The following HADHB variants were observed in gnomAD, a reference collection of about 807,000 sequenced individuals.
The protein encoded by HADHB is hydroxyacyl-CoA dehydrogenase trifunctional multienzyme complex subunit beta, also known as trifunctional enzyme subunit beta, mitochondrial.
Under a neutral mutation model 61.9 loss-of-function variants are expected in HADHB, and 50 were observed. The ratio of observed to expected loss-of-function variants is 0.81; its 90% CI spans 0.64 to 1.02. HADHB has a LOEUF of 1.02. Ranked by LOEUF, HADHB falls within the 50% of genes least tolerant of loss-of-function variation. The pLI is 0.00. For synonymous variants in HADHB, 191 were observed against 201.6 expected, an observed-to-expected ratio of 0.95 and a Z score of 0.45; for missense variants, 504 against 586.5, an observed-to-expected ratio of 0.86 and a Z score of 1.45.
intron 1 of HADHB, among the ~76,000 whole-genome samples, chr2:26,246,492 A>G (rs1398690007): frequency 6.6e-6 from 1 of 151,728 alleles, no homozygotes; most frequent in Non-Finnish European, 1.5e-5. Flanking sequence ...AGCGCACACC[A>G]CCACGCCGGG....
At chr2:26,284,588 G>A (rs1248158381) in intron 13 of HADHB, among the ~76,000 whole-genome samples, 2 of 151,298 alleles carry the variant, frequency 1.3e-5, no homozygotes, top group East Asian at 1.9e-4. Flanking sequence ...TCAGCCTCCC[G>A]AGTAGCTGGG....
At chr2:26,259,488 G>A (rs147555894) in intron 3 of HADHB, among the ~76,000 whole-genome samples, 90 of 152,136 alleles carry the variant, frequency 5.9e-4, no homozygotes, top group African/African-American at 2.1e-3. Context: ...TTTAAGATAC[G>A]TTCCCCTACA....
chr2:26,285,303 T>G, intron 14 of HADHB, 104 bp from the exon 15 acceptor site: 1 of 941,494 alleles, frequency 1.1e-6, no homozygotes, highest in East Asian at 2.4e-5. Context: ...ATGTCTGACG[T>G]TACGTATTTT....
intron 4 of HADHB, among the ~76,000 whole-genome samples, chr2:26,266,618 G>A (rs1341201466): frequency 6.6e-6 from 1 of 151,820 alleles, no homozygotes. Flanking sequence ...AGTGGCTCAC[G>A]TCTGTAATCC....
intron 10 of HADHB, among the ~76,000 whole-genome samples, chr2:26,281,811 C>T (rs569567396): frequency 4.3e-4 from 66 of 152,088 alleles, no homozygotes; most frequent in Non-Finnish European, 7.6e-4. Context: ...TCAGGGTTGC[C>T]GAGTTATAAA....
At chr2:26,250,881 A>G (rs1302399931) in intron 1 of HADHB, among the ~76,000 whole-genome samples, 1 of 151,368 alleles carries the variant, frequency 6.6e-6, no homozygotes, top group South Asian at 2.1e-4. Context: ...TTCCTCTAGT[A>G]CTTTTATAGT....
chr2:26,281,453 A>C (rs1405190355), intron 10 of HADHB, among the ~76,000 whole-genome samples: 1 of 152,220 alleles, frequency 6.6e-6, no homozygotes, highest in Admixed American at 6.5e-5. Context: ...CCACCCTGTT[A>C]AGCCCAGGTG....
intron 15 of HADHB, among the ~76,000 whole-genome samples, chr2:26,287,043 A>C (rs1208695601): frequency 6.6e-6 from 1 of 151,626 alleles, no homozygotes; most frequent in Non-Finnish European, 1.5e-5. Flanking sequence ...GTCTCTACTA[A>C]AATTATAAAA....
At chr2:26,287,432 A>G (rs1171067555) in intron 15 of HADHB, among the ~76,000 whole-genome samples, 1 of 152,152 alleles carries the variant, frequency 6.6e-6, no homozygotes. Context: ...CAGGGAGATA[A>G]CCTGTACACA....
chr2:26,249,481 A>G (rs758358934), intron 1 of HADHB, among the ~76,000 whole-genome samples: 8 of 152,172 alleles, frequency 5.3e-5, no homozygotes, highest in Admixed American at 1.3e-4. Context: ...GCTGTACTCC[A>G]GCCTGGGCGA....
chr2:26,256,154 A>T (rs1306144563), intron 3 of HADHB, among the ~76,000 whole-genome samples: 2 of 152,240 alleles, frequency 1.3e-5, no homozygotes, highest in African/African-American at 4.8e-5. Flanking sequence ...AGTGTCCCAC[A>T]AGTAACTTGC....
At chr2:26,270,214 A>G (rs1301967959) in intron 5 of HADHB, among the ~76,000 whole-genome samples, 5 of 152,210 alleles carry the variant, frequency 3.3e-5, no homozygotes, top group Non-Finnish European at 5.9e-5. Context: ...GACTCGATTG[A>G]TCAGCCTAAA....
chr2:26,259,553 C>G (rs911247086), intron 3 of HADHB, among the ~76,000 whole-genome samples: 3 of 152,200 alleles, frequency 2.0e-5, no homozygotes, highest in African/African-American at 7.2e-5. Flanking sequence ...CAGCTGCCTT[C>G]AGCTATTCTC....
intron 15 of HADHB, 129 bp from the exon 16 acceptor site, chr2:26,289,789 A>C (rs949992203): frequency 2.6e-6 from 2 of 774,626 alleles, no homozygotes; most frequent in Non-Finnish European, 4.7e-6. Flanking sequence ...TCCCAAGATC[A>C]CAGTGATTGA....
intron 3 of HADHB, among the ~76,000 whole-genome samples, chr2:26,256,544 TATAC>T (rs1166665957): frequency 2.7e-5 from 4 of 147,212 alleles, no homozygotes; most frequent in Admixed American, 6.8e-5. Context: ...TATATATATA[TATAC>T]ACACACACGT....
At chr2:26,273,041 C>G (rs1409584872) in intron 5 of HADHB, among the ~76,000 whole-genome samples, 1 of 151,712 alleles carries the variant, frequency 6.6e-6, no homozygotes, top group Non-Finnish European at 1.5e-5. Flanking sequence ...CGAGATTGTG[C>G]CAGTACACTC....
chr2:26,285,739 G>GTTTTTTTTTTTTTGTTTTT lies in HADHB; in HGVS notation c.1389+181_1389+182insGTTTTTTTTTTTTTTTTTT, dbSNP rs1673002253. Among the ~76,000 whole-genome samples the GTTTTTTTTTTTTTGTTTTT allele has an allele frequency of 4.6e-5, 3 of 65,082 alleles. 1 individual carries two copies. The highest frequency in any genetic ancestry group is 2.9e-5 in the Non-Finnish European group (1 of 34,936). The allele number at this position is 65,082 out of a possible 152,430, so 42.7% of individuals were successfully genotyped here. The stretch of plus-strand genomic sequence containing the variant: ...TCTGATAAAACTTTTTGTTTTTTGG[G>GTTTTTTTTTTTTTGTTTTT]TTTTTTTTTTTTTTTTTTGAGACAG... On this transcript the variant is annotated intron_variant, in intron 15 of 15. Transcript: ENST00000317799.
rs1370902789 is a variant in HADHB, at chr2:26,279,232, A to G, written c.728A>G (p.Glu243Gly). Residue 243 changes from glutamate to glycine, a missense_variant, in exon 9 of 16, where the codon GAA (glutamate) becomes GGA (glycine). By Grantham distance (98) the Glu-to-Gly change is moderately conservative (BLOSUM62 -2). Transcript: ENST00000317799. The part of the protein sequence containing the change: ...AFAVSRLEQD[E>G]YALRSHSLAK... ...GCTGTTTCTCGGCTGGAACAGGATG[A>G]ATATGCACTGCGCTCTCACAGTCTA... is the stretch of plus-strand genomic sequence containing the variant. 3 of 1,613,402 alleles carry G rather than the reference A, an allele frequency of 1.9e-6. No individual in the cohort carries two copies. Among genetic ancestry groups the G allele is most frequent in the Non-Finnish European group, 2.5e-6 (3 of 1,179,366 alleles).
At chr2:26,272,315 G>T (rs899679535) in intron 5 of HADHB, among the ~76,000 whole-genome samples, 1 of 150,300 alleles carries the variant, frequency 6.7e-6, no homozygotes, top group Non-Finnish European at 1.5e-5. Flanking sequence ...TATATACCCC[G>T]TGTTCCTGTT....
Sources: gnomAD v4.1 joint callset for allele counts (sites outside exome capture counted in the v4.1 genomes callset) on GRCh38, gnomAD v4.1.1 for gene constraint, MANE v1.5 for transcripts, NCBI Gene and HGNC (gene_info 2026-07-23, HGNC 2026-07-21) for gene names.